PTPN3: variants seen among roughly 807,000 people sequenced by gnomAD.
PTPN3 encodes the protein tyrosine-protein phosphatase non-receptor type 3.
In PTPN3, 96 loss-of-function variants were observed where a neutral mutation model predicts 132.7. That is an observed-to-expected ratio of 0.72 (90% CI 0.61 to 0.86). The LOEUF is 0.86. Ranked by LOEUF, PTPN3 falls within the 40% of genes least tolerant of loss-of-function variation. The pLI, the probability that PTPN3 is intolerant of heterozygous loss-of-function variation, is 0.00. For missense variants in PTPN3, 1,125 were observed against 1,159.6 expected (o/e 0.97, Z 0.43); for synonymous variants, 398 against 429.0 (o/e 0.93, Z 0.89).
At chr9:109,518,227 C>T in the PTPN3 span, among the ~76,000 whole-genome samples, 2 of 152,296 alleles carry the variant, frequency 1.3e-5, no homozygotes, top group Non-Finnish European at 2.9e-5. Flanking sequence ...ATTCTGGGCT[C>T]AGTTCAATTC....
the PTPN3 span, among the ~76,000 whole-genome samples, chr9:109,531,331 T>C: frequency 7.6e-3 from 1,150 of 152,308 alleles, 10 homozygotes; most frequent in African/African-American, 0.026. Context: ...GCTCAGAGTA[T>C]AGATAGGGTG....
chr9:109,504,733 G>A, the PTPN3 span, among the ~76,000 whole-genome samples: 3 of 152,210 alleles, frequency 2.0e-5, no homozygotes, highest in African/African-American at 7.2e-5. Flanking sequence ...TACCACATGG[G>A]AAAACAGAAA....
intron 1 of PTPN3, among the ~76,000 whole-genome samples, chr9:109,490,911 C>T (rs1286404766): frequency 2.0e-5 from 3 of 147,854 alleles, no homozygotes; most frequent in Non-Finnish European, 3.0e-5. Flanking sequence ...CAAAACCTAA[C>T]ATCTAGGCCG....
intron 6 of PTPN3, among the ~76,000 whole-genome samples, chr9:109,447,198 C>T (rs1247562218): frequency 6.6e-6 from 1 of 151,998 alleles, no homozygotes; most frequent in Non-Finnish European, 1.5e-5. Flanking sequence ...TGAAGACAAC[C>T]CATTATTTGG....
Position 109,377,457 on chromosome 9 carries a change from C to CA in PTPN3, c.*2098dup, listed in dbSNP as rs1554772351. 7 of 131,152 alleles carry CA rather than the reference C, an allele frequency of 5.3e-5. No homozygotes were observed. Among genetic ancestry groups the CA allele is most frequent in the South Asian group, 2.3e-4 (1 of 4,266 alleles). 8.1% of individuals were successfully genotyped at this position (131,152 alleles called of 1,614,324 possible). On this transcript the variant is annotated 3_prime_UTR_variant, in exon 26 of 26. Coordinates refer to ENST00000374541, the MANE Select transcript of PTPN3 (RefSeq NM_002829.4). Reference sequence around the variant, plus strand: ...ACACACACACACACACACACACACACAAGCCAGGTGAGGTGGCATGTGCCT... The same window carrying CA: ...ACACACACACACACACACACACACACAAAGCCAGGTGAGGTGGCATGTGCCT...
intron 16 of PTPN3, among the ~76,000 whole-genome samples, chr9:109,408,794 A>ATATATATATAT (rs373957307): frequency 8.8e-4 from 77 of 87,364 alleles, no homozygotes; most frequent in Middle Eastern, 5.7e-3. Flanking sequence ...AAAAAAAAAA[A>ATATATATATAT]AAATATATAT....
intron 1 of PTPN3, among the ~76,000 whole-genome samples, chr9:109,483,612 C>G (rs890828634): frequency 6.6e-6 from 1 of 152,130 alleles, no homozygotes; most frequent in Non-Finnish European, 1.5e-5. Flanking sequence ...AACTGTGAAG[C>G]CAGACTGTGA....
chr9:109,432,714 G>A lies in PTPN3; in HGVS notation c.764+359C>T, dbSNP rs199741478. Among the ~76,000 whole-genome samples the A allele has an allele frequency of 3.9e-5, 6 of 152,210 alleles. No individual in the cohort carries two copies. The East Asian group carries it at 7.7e-4, about 20-fold the overall frequency. On this transcript the variant is annotated intron_variant, in intron 10 of 25. Coordinates refer to ENST00000374541, the MANE Select transcript of PTPN3 (RefSeq NM_002829.4). ...CTTGGTAAAGGTTCAGTTAATAACC[G>A]AGGAACAGAAATGAAACGATGGTTC... is the stretch of plus-strand genomic sequence containing the variant.
chr9:109,533,731 T>C, the PTPN3 span: 15 of 1,453,240 alleles, frequency 1.0e-5, no homozygotes, highest in African/African-American at 2.1e-4. Flanking sequence ...GCCCATAGGG[T>C]CTCCGCATGT....
intron 1 of PTPN3, among the ~76,000 whole-genome samples, chr9:109,469,631 T>C (rs1026833519): frequency 5.3e-5 from 8 of 152,182 alleles, no homozygotes; most frequent in Admixed American, 4.6e-4. Context: ...AATAAATAAA[T>C]GGCAAAGTAT....
At chr9:109,438,365 A>C in intron 7 of PTPN3, 131 bp from the exon 8 acceptor site, 2 of 980,198 alleles carry the variant, frequency 2.0e-6, no homozygotes, top group Non-Finnish European at 1.5e-6. Context: ...TCTACACCAC[A>C]TGAACTGAAG....
At chr9:109,396,960 G>A (rs756124061) in intron 19 of PTPN3, among the ~76,000 whole-genome samples, 23 of 152,210 alleles carry the variant, frequency 1.5e-4, no homozygotes, top group Non-Finnish European at 2.5e-4. Context: ...ACCAGCGGAT[G>A]CTGGCAAGGC....
At chr9:109,520,583 ATCTT>A in the PTPN3 span, among the ~76,000 whole-genome samples, 1 of 152,172 alleles carries the variant, frequency 6.6e-6, no homozygotes, top group African/African-American at 2.4e-5. Context: ...CTGTTCCCTC[ATCTT>A]TCTTTCAGAG....
chr9:109,449,726 T>G, intron 5 of PTPN3: 1 of 985,410 alleles, frequency 1.0e-6, no homozygotes, highest in African/African-American at 1.7e-5. Context: ...CTGGCCAAGA[T>G]GACAAAAGGG....
chr9:109,420,159 T>C (rs993467986), intron 14 of PTPN3, among the ~76,000 whole-genome samples: 1 of 152,180 alleles, frequency 6.6e-6, no homozygotes, highest in East Asian at 1.9e-4. Context: ...AGGAGACTAA[T>C]TCAAGAGACT....
intron 17 of PTPN3, 37 bp from the exon 18 acceptor site, chr9:109,406,655 A>G (rs1841592822): frequency 6.2e-6 from 10 of 1,610,202 alleles, no homozygotes; most frequent in Middle Eastern, 1.7e-4. Flanking sequence ...TCCTGTTACC[A>G]TAACACAGTC....
chr9:109,505,080 A>G, the PTPN3 span, among the ~76,000 whole-genome samples: 1 of 152,184 alleles, frequency 6.6e-6, no homozygotes, highest in African/African-American at 2.4e-5. Flanking sequence ...TCCCTAATAG[A>G]GGATTCTAGG....
chr9:109,509,938 T>C, the PTPN3 span, among the ~76,000 whole-genome samples: 4 of 151,930 alleles, frequency 2.6e-5, no homozygotes, highest in Admixed American at 6.6e-5. Flanking sequence ...TCTGGTAAAG[T>C]CACTGAAAAC....
At chr9:109,489,883 C>T (rs988254117) in intron 1 of PTPN3, among the ~76,000 whole-genome samples, 9 of 151,984 alleles carry the variant, frequency 5.9e-5, no homozygotes, top group Admixed American at 5.2e-4. Flanking sequence ...ATGACTGCAA[C>T]TAAATAACAA....
Sources: gnomAD v4.1 joint callset for allele counts (sites outside exome capture counted in the v4.1 genomes callset) on GRCh38, gnomAD v4.1.1 for gene constraint, MANE v1.5 for transcripts, NCBI Gene and HGNC (gene_info 2026-07-23, HGNC 2026-07-21) for gene names.